The following ZNF346 variants were observed in gnomAD, a reference collection of about 807,000 sequenced individuals.
The protein encoded by ZNF346 is double-stranded RNA-binding zinc finger protein JAZ.
A neutral mutation model predicts 33.7 loss-of-function variants in ZNF346; 23 were observed. That is an observed-to-expected ratio of 0.68 (90% confidence interval 0.49 to 0.97). ZNF346 has a LOEUF of 0.97. ZNF346 is among the 50% of genes least tolerant of loss of function. The pLI is 0.00. For missense variants in ZNF346, 340 were observed against 371.1 expected (o/e 0.92, Z 0.69); for synonymous variants, 134 against 142.4 (o/e 0.94, Z 0.42).
intron 8 of ZNF346, among the ~76,000 whole-genome samples, chr5:177,073,365 G>A (rs1004799034): frequency 6.6e-6 from 1 of 152,216 alleles, no homozygotes; most frequent in African/African-American, 2.4e-5. Flanking sequence ...ATGCAGTGGT[G>A]CAAACACAGC....
At chr5:177,030,099 T>C (rs562047781) in intron 1 of ZNF346, among the ~76,000 whole-genome samples, 7 of 152,358 alleles carry the variant, frequency 4.6e-5, no homozygotes, top group Non-Finnish European at 8.8e-5. Context: ...GAGTTTTTTT[T>C]CTCCAGAGCA....
chr5:177,057,800 A>C (rs938980392), intron 5 of ZNF346, among the ~76,000 whole-genome samples: 3 of 95,388 alleles, frequency 3.1e-5, no homozygotes, highest in Admixed American at 1.9e-4. Context: ...AGATTTTCTT[A>C]TTTATTTATT....
chr5:177,048,602 CAA>C (rs1005472099), intron 4 of ZNF346, among the ~76,000 whole-genome samples: 5 of 151,926 alleles, frequency 3.3e-5, no homozygotes, highest in Non-Finnish European at 7.4e-5. Flanking sequence ...GCCTGGGCAA[CAA>C]GAGCAAAACT....
intron 1 of ZNF346, among the ~76,000 whole-genome samples, chr5:177,037,507 T>C (rs1486852233): frequency 6.6e-6 from 1 of 152,232 alleles, no homozygotes; most frequent in Non-Finnish European, 1.5e-5. Context: ...AGTTCTAATC[T>C]ATTCACTTGT....
At chr5:177,048,911 A>C (rs911963685) in intron 4 of ZNF346, among the ~76,000 whole-genome samples, 1 of 150,564 alleles carries the variant, frequency 6.6e-6, no homozygotes, top group Non-Finnish European at 1.5e-5. Flanking sequence ...CAGCCTCCTG[A>C]GTAGCTGGGA....
chr5:177,054,797 AC>A (rs1313872353), intron 5 of ZNF346, among the ~76,000 whole-genome samples: 2 of 152,164 alleles, frequency 1.3e-5, no homozygotes, highest in African/African-American at 4.8e-5. Context: ...TGGTGGCGGG[AC>A]TACTGTAATG....
Position 177,042,035 on chromosome 5 carries a change from G to A in ZNF346, c.372+165G>A, listed in dbSNP as rs78172935. On this transcript the variant is annotated intron_variant, in intron 3 of 6. Transcript: ENST00000358149. ...CCTTGATTTCTTCCTCTATAAAAAT[G>A]AGGATGGTAATATCAACTACCTTTC... is the stretch of plus-strand genomic sequence containing the variant. 4.1e-3 allele frequency: 2,189 copies of A among 528,830 alleles called. 75 individuals carry two copies. In the East Asian group the frequency reaches 0.056, roughly 14 times the overall value. 32.8% of individuals were successfully genotyped at this position (528,830 alleles called of 1,614,324 possible). A position where few individuals can be genotyped will look rare whatever the true frequency, so the allele number is the denominator to read the frequency against.
At chr5:177,040,359 A>T (rs1054824889) in intron 1 of ZNF346, among the ~76,000 whole-genome samples, 3 of 151,992 alleles carry the variant, frequency 2.0e-5, no homozygotes, top group Admixed American at 1.3e-4. Flanking sequence ...TTATTTATTT[A>T]TTTAGAGACA....
intron 8 of ZNF346, among the ~76,000 whole-genome samples, chr5:177,074,447 T>C (rs1322427055): frequency 6.6e-6 from 1 of 152,034 alleles, no homozygotes; most frequent in African/African-American, 2.4e-5. Flanking sequence ...AGAGAATGAG[T>C]TTTGACCATA....
rs1252950624 is a variant in ZNF346 at position 177,044,486 on chromosome 5, C to G, written c.470C>G (p.Thr157Ser). ...VVAQSHYLGK[T>S]HAKNLKLKQQ... The stretch of plus-strand genomic sequence containing the variant: ...GCCCAGTCGCACTACCTGGGGAAGA[C>G]CCACGCAAAGAACTTAAAGCTGAAG... Residue 157 changes from threonine (T) to serine (S), a missense_variant, in exon 4 of 7, where the codon ACC becomes AGC. Transcript: ENST00000358149. 2.5e-6 allele frequency: 4 copies of G among 1,613,918 alleles called. No individual in the cohort carries two copies. Among genetic ancestry groups the G allele is most frequent in the Non-Finnish European group, 3.4e-6 (4 of 1,180,024 alleles).
At position 177,034,274 on chromosome 5, in the gene ZNF346, G is replaced by C. The variant is rs1343727684; in HGVS notation, c.176-6852G>C. Among the ~76,000 whole-genome samples the C allele has an allele frequency of 3.3e-5, 5 of 151,304 alleles. No individual in the cohort carries two copies. In the South Asian group the frequency reaches 1.0e-3, roughly 32 times the overall value. Reference sequence around the variant, plus strand: ...AGGATGGAGGCTGAAGTGCAGTGGTGTGATCACAGCTCACTTCACTGCAGC... The same window carrying C: ...AGGATGGAGGCTGAAGTGCAGTGGTCTGATCACAGCTCACTTCACTGCAGC... On this transcript the variant is annotated intron_variant, in intron 1 of 6. Transcript: ENST00000358149.
At chr5:177,058,229 C>G (rs998463069) in intron 5 of ZNF346, among the ~76,000 whole-genome samples, 4 of 150,680 alleles carry the variant, frequency 2.7e-5, no homozygotes, top group African/African-American at 9.8e-5. Flanking sequence ...AATTCCAGCA[C>G]TTTGGGAGGC....
chr5:177,040,488 G>C (rs561260486), intron 1 of ZNF346, among the ~76,000 whole-genome samples: 1 of 152,174 alleles, frequency 6.6e-6, no homozygotes, highest in South Asian at 2.1e-4. Context: ...GGGATTATAG[G>C]TGCCTGCCAC....
intron 4 of ZNF346, among the ~76,000 whole-genome samples, chr5:177,050,068 C>A (rs536334964): frequency 2.0e-5 from 3 of 152,200 alleles, no homozygotes; most frequent in Middle Eastern, 3.2e-3. Context: ...ATCTCTTGAC[C>A]TCGTGATCCG....
At chr5:177,047,589 T>G (rs1006224257) in intron 4 of ZNF346, among the ~76,000 whole-genome samples, 28 of 152,098 alleles carry the variant, frequency 1.8e-4, no homozygotes, top group African/African-American at 6.5e-4. Flanking sequence ...CACTGCAACC[T>G]CCACCCTCTG....
chr5:177,049,835 C>A (rs1274358870), intron 4 of ZNF346, among the ~76,000 whole-genome samples: 1 of 151,972 alleles, frequency 6.6e-6, no homozygotes, highest in Non-Finnish European at 1.5e-5. Context: ...GAAAACACAT[C>A]ACTAATTTTT....
rs1428752655 is a variant in ZNF346 at position 177,022,860 on chromosome 5, C to T, written c.122C>T (p.Ala41Val). The part of the protein sequence containing the change: ...PDGVRFDRER[A>V]RRLWEAVSGA... ...GGGGTGCGCTTTGACCGCGAGAGGG[C>T]GCGCCGCCTGTGGGAAGCCGTGTCC... Residue 41 changes from alanine (A) to valine (V), a missense_variant, in exon 1 of 7, where the codon GCG (alanine) becomes GTG (valine). Physicochemically the swap from Ala to Val is moderately conservative, Grantham distance 64. Coordinates refer to ENST00000358149, the MANE Select transcript of ZNF346 (RefSeq NM_012279.4). The T allele has an allele frequency of 1.3e-6, 2 of 1,527,156 alleles. No homozygotes were observed. Among genetic ancestry groups the T allele is most frequent in the Non-Finnish European group, 1.8e-6 (2 of 1,136,060 alleles). 94.6% of individuals were successfully genotyped at this position (1,527,156 alleles called of 1,614,324 possible). A position where few individuals can be genotyped will look rare whatever the true frequency, so the allele number is the denominator to read the frequency against.
chr5:177,028,123 G>A (rs1401502103), intron 1 of ZNF346, among the ~76,000 whole-genome samples: 6 of 116,094 alleles, frequency 5.2e-5, no homozygotes, highest in South Asian at 3.0e-4. Context: ...TGCAGCCTTC[G>A]CCTCCCAGGT....
At chr5:177,053,940 A>T (rs1234788232) in intron 5 of ZNF346, among the ~76,000 whole-genome samples, 6 of 152,206 alleles carry the variant, frequency 3.9e-5, no homozygotes, top group African/African-American at 1.4e-4. Context: ...ACTAATGAGC[A>T]GATAGCGTAT....
Sources: gnomAD v4.1 joint callset for allele counts (sites outside exome capture counted in the v4.1 genomes callset) on GRCh38, gnomAD v4.1.1 for gene constraint, MANE v1.5 for transcripts, NCBI Gene and HGNC (gene_info 2026-07-23, HGNC 2026-07-21) for gene names.